ADCY8: variants seen among roughly 807,000 people sequenced by gnomAD.
ADCY8 encodes the protein adenylate cyclase type 8.
ADCY8 carries 51 observed loss-of-function variants against 119.7 expected under a neutral mutation model. The ratio of observed to expected loss-of-function variants is 0.43; its 90% CI spans 0.34 to 0.54. The LOEUF (loss-of-function observed/expected upper bound fraction) is 0.54, where lower values mean the gene tolerates loss of function less well. Ranked by LOEUF, ADCY8 falls within the 20% of genes least tolerant of loss-of-function variation. ADCY8 has a pLI of 0.03. For synonymous variants in ADCY8, 665 were observed against 651.0 expected, an observed-to-expected ratio of 1.02 and a Z score of -0.33; for missense variants, 1,383 against 1,598.8, an observed-to-expected ratio of 0.87 and a Z score of 2.30.
In ADCY8 at chr8:130,889,232, T is replaced by C. The variant is rs991150076; in HGVS notation, c.1912-4471A>G. On this transcript the variant is annotated intron_variant, in intron 7 of 17. Transcript: ENST00000286355. The stretch of plus-strand genomic sequence containing the variant: ...ATTATTTGTTTACTGCCATTTCTCC[T>C]TACCTTAATTTTGTCTCTTTTGTTC... Among the ~76,000 whole-genome samples the C allele has an allele frequency of 2.6e-5, 4 of 152,280 alleles. No individual in the cohort carries two copies. In the South Asian group the frequency reaches 8.3e-4, roughly 32 times the overall value.
chr8:130,841,055 G>A (rs900913120), intron 11 of ADCY8, among the ~76,000 whole-genome samples: 8 of 152,182 alleles, frequency 5.3e-5, no homozygotes, highest in African/African-American at 1.7e-4. Context: ...GTGGAGGTGT[G>A]AAAGAGACCA....
At chr8:130,842,001 A>T (rs2130282163) in intron 11 of ADCY8, among the ~76,000 whole-genome samples, 1 of 152,294 alleles carries the variant, frequency 6.6e-6, no homozygotes, top group South Asian at 2.1e-4. Flanking sequence ...TGATGGGAAG[A>T]TGGCTGGTCT....
rs932222390 is a variant in ADCY8, at chr8:130,780,973, G to A, written c.3269-96C>T. ...TGGGACAGTGATCACTATGTGTGGGGTCTCTGTGGATGAACGGGAGGGTCC... is the reference window on the plus strand; with the variant it reads ...TGGGACAGTGATCACTATGTGTGGGATCTCTGTGGATGAACGGGAGGGTCC... On this transcript the variant is annotated intron_variant, in intron 17 of 17. Coordinates refer to ENST00000286355, the MANE Select transcript of ADCY8 (RefSeq NM_001115.3). The A allele has an allele frequency of 6.7e-6, 10 of 1,498,530 alleles. No individual in the cohort carries two copies. In the African/African-American group the frequency reaches 1.4e-4, roughly 21 times the overall value. The allele number at this position is 1,498,530 out of a possible 1,614,324, so 92.8% of individuals were successfully genotyped here.
rs777390566 is a variant in ADCY8 at position 130,849,652 on chromosome 8, T to C, written c.2362A>G (p.Ile788Val). ...INETYLARNV[I>V]IFASILINFL... is the part of the protein sequence containing the mutation. ...TTAATCAAAATGGATGCAAAGATGA[T>C]GACGTTCCGGGCCAAATAGGTCTCA... The change falls in exon 10 of 18, where the codon ATC (isoleucine) becomes GTC (valine). Residue 788 changes from isoleucine (I) to valine (V), a missense_variant. By Grantham distance (29) the Ile-to-Val change is conservative. This residue lies in a region of ADCY8 where 928 missense variants were observed against 1,163.5 expected (regional missense o/e 0.80). Coordinates refer to ENST00000286355, the MANE Select transcript of ADCY8 (RefSeq NM_001115.3). 5 of 1,613,938 alleles carry C rather than the reference T, an allele frequency of 3.1e-6. No individual in the cohort carries two copies. In the African/African-American group the frequency reaches 5.3e-5, roughly 17 times the overall value.
chr8:130,795,393 G>A (rs934227576), intron 15 of ADCY8, among the ~76,000 whole-genome samples: 7 of 152,342 alleles, frequency 4.6e-5, no homozygotes, highest in African/African-American at 1.7e-4. Flanking sequence ...AGCAATAGCA[G>A]AACATTAAAA....
intron 12 of ADCY8, among the ~76,000 whole-genome samples, chr8:130,826,125 G>C (rs1816661280): frequency 6.6e-6 from 1 of 152,142 alleles, no homozygotes; most frequent in Admixed American, 6.5e-5. Flanking sequence ...TTCCAGAACT[G>C]GCTTTGTCAT....
intron 8 of ADCY8, among the ~76,000 whole-genome samples, chr8:130,884,067 T>C (rs1818885085): frequency 6.6e-6 from 1 of 152,120 alleles, no homozygotes; most frequent in Non-Finnish European, 1.5e-5. Context: ...CTTTCTACTA[T>C]GCCTAGGTCA....
rs1824360403 is a variant in ADCY8, at chr8:131,040,545, C to T, written c.-212G>A. 8.6e-6 allele frequency: 4 copies of T among 465,172 alleles called. No individual in the cohort carries two copies. Among genetic ancestry groups the T allele is most frequent in the Non-Finnish European group, 1.4e-5 (4 of 286,444 alleles). The allele number at this position is 465,172 out of a possible 1,614,324, so 28.8% of individuals were successfully genotyped here. A position where few individuals can be genotyped will look rare whatever the true frequency, so the allele number is the denominator to read the frequency against. On this transcript the variant is annotated 5_prime_UTR_variant, in exon 1 of 18. Transcript: ENST00000286355. ...GCACCTGGAAGATCGCGGCGGACCT[C>T]GGCGTCCTTGCGTGCTGCTCTCCCG...
intron 9 of ADCY8, among the ~76,000 whole-genome samples, chr8:130,860,951 A>G (rs925227120): frequency 1.3e-5 from 2 of 152,202 alleles, no homozygotes; most frequent in African/African-American, 4.8e-5. Context: ...TATCAGTACC[A>G]TTAGTTAAAA....
intron 17 of ADCY8, 75 bp downstream of exon 17, chr8:130,783,616 T>C (rs747462831): frequency 1.8e-5 from 19 of 1,039,560 alleles, no homozygotes; most frequent in Non-Finnish European, 2.5e-5. Flanking sequence ...CCTGGATTGA[T>C]GCCCAAGGCA....
At chr8:130,928,299 C>G (rs1321981341) in intron 5 of ADCY8, among the ~76,000 whole-genome samples, 1 of 152,144 alleles carries the variant, frequency 6.6e-6, no homozygotes, top group Non-Finnish European at 1.5e-5. Flanking sequence ...TCTCATACTC[C>G]TGACCTCAAG....
chr8:130,821,762 T>C (rs904332599), intron 12 of ADCY8, among the ~76,000 whole-genome samples: 5 of 152,194 alleles, frequency 3.3e-5, no homozygotes, highest in African/African-American at 9.7e-5. Flanking sequence ...CATGTGAAGA[T>C]GGAATCTAGC....
At chr8:130,795,311 C>T (rs559755495) in intron 15 of ADCY8, among the ~76,000 whole-genome samples, 3 of 152,258 alleles carry the variant, frequency 2.0e-5, no homozygotes, top group South Asian at 2.1e-4. Flanking sequence ...GACAGGACCA[C>T]GCATAGTTTG....
At chr8:130,888,009 C>G (rs937974583) in intron 7 of ADCY8, among the ~76,000 whole-genome samples, 1 of 152,062 alleles carries the variant, frequency 6.6e-6, no homozygotes, top group Non-Finnish European at 1.5e-5. Flanking sequence ...TTAAGACTTA[C>G]AGCACCAGTG....
chr8:130,781,830 G>T (rs1345910513), intron 17 of ADCY8, among the ~76,000 whole-genome samples: 2 of 152,172 alleles, frequency 1.3e-5, no homozygotes, highest in African/African-American at 4.8e-5. Flanking sequence ...TAGTGGGCAT[G>T]TATGTCTCTT....
chr8:130,819,500 A>G (rs1251494870), intron 13 of ADCY8, among the ~76,000 whole-genome samples: 1 of 152,212 alleles, frequency 6.6e-6, no homozygotes, highest in Non-Finnish European at 1.5e-5. Flanking sequence ...CTAAGGTGAC[A>G]GAAGAGACAG....
intron 8 of ADCY8, among the ~76,000 whole-genome samples, chr8:130,870,589 C>T (rs1818318944): frequency 6.6e-6 from 1 of 152,112 alleles, no homozygotes; most frequent in Non-Finnish European, 1.5e-5. Flanking sequence ...AGATCCTGAG[C>T]CTGAGAGCTC....
intron 9 of ADCY8, 83 bp from the exon 10 acceptor site, chr8:130,849,886 A>T: frequency 3.1e-6 from 4 of 1,296,618 alleles, no homozygotes; most frequent in African/African-American, 1.5e-5. Context: ...TTCCTTTCCC[A>T]TCCCTTGCAT....
intron 4 of ADCY8, among the ~76,000 whole-genome samples, chr8:130,938,099 A>G (rs1051774054): frequency 6.6e-6 from 1 of 152,206 alleles, no homozygotes; most frequent in African/African-American, 2.4e-5. Flanking sequence ...ATGGGGAGCC[A>G]AGGGCACTGG....
Sources: allele counts gnomAD v4.1 joint callset (sites outside exome capture counted in the v4.1 genomes callset), GRCh38; gene constraint gnomAD v4.1.1; regional missense constraint gnomAD v4.1.1; transcripts MANE v1.5; gene names NCBI Gene and HGNC (gene_info 2026-07-23, HGNC 2026-07-21).